Variants in FYN observed in about 807,000 individuals in gnomAD.
FYN encodes FYN proto-oncogene, Src family tyrosine kinase, also known as tyrosine-protein kinase Fyn.
Under a neutral mutation model 70.2 loss-of-function variants are expected in FYN, and 10 were observed. The ratio of observed to expected loss-of-function variants is 0.14; its 90% CI spans 0.09 to 0.24. FYN has a LOEUF of 0.24. Among genes scored for constraint, FYN ranks in the 10% least tolerant of loss-of-function variants. The pLI, the probability that FYN is intolerant of heterozygous loss-of-function variation, is 1.00. For synonymous variants in FYN, 236 were observed against 248.6 expected, an observed-to-expected ratio of 0.95 and a Z score of 0.48; for missense variants, 319 against 673.1, an observed-to-expected ratio of 0.47 and a Z score of 5.82.
intron 12 of FYN, among the ~76,000 whole-genome samples, chr6:111,686,876 G>A (rs533070433): frequency 1.1e-3 from 170 of 151,986 alleles, no homozygotes; most frequent in Non-Finnish European, 2.0e-3. Context: ...GAAAGCTGGC[G>A]CTCTGAGTCT....
chr6:111,826,842 C>G (rs1772849593), intron 2 of FYN, among the ~76,000 whole-genome samples: 1 of 152,126 alleles, frequency 6.6e-6, no homozygotes. Flanking sequence ...TACCAGGGAC[C>G]CAATAAACAT....
At chr6:111,851,936 TA>T (rs1773697464) in intron 1 of FYN, among the ~76,000 whole-genome samples, 2 of 152,164 alleles carry the variant, frequency 1.3e-5, no homozygotes, top group Admixed American at 1.3e-4. Context: ...AGCTTTTATG[TA>T]ATACTGTCCT....
At chr6:111,756,383 CACT>C (rs1802735392) in intron 3 of FYN, among the ~76,000 whole-genome samples, 1 of 150,518 alleles carries the variant, frequency 6.6e-6, no homozygotes, top group African/African-American at 2.4e-5. Context: ...AACCAATAAA[CACT>C]AGGTTCAGAT....
intron 1 of FYN, among the ~76,000 whole-genome samples, chr6:111,854,124 A>G (rs1278657849): frequency 6.6e-6 from 1 of 152,212 alleles, no homozygotes; most frequent in African/African-American, 2.4e-5. Flanking sequence ...TACTGGTTAT[A>G]TTAAAATACA....
At chr6:111,784,410 A>C (rs919043075) in intron 2 of FYN, among the ~76,000 whole-genome samples, 1 of 152,252 alleles carries the variant, frequency 6.6e-6, no homozygotes, top group Non-Finnish European at 1.5e-5. Flanking sequence ...CAGTAGGTCC[A>C]GAGATCAAAG....
chr6:111,754,883 C>T (rs1307227619), intron 3 of FYN, among the ~76,000 whole-genome samples: 6 of 151,282 alleles, frequency 4.0e-5, no homozygotes, highest in South Asian at 2.1e-4. Flanking sequence ...AACAGTAATA[C>T]GATGTTAAAA....
chr6:111,671,720 C>T (rs1206756362), intron 13 of FYN, among the ~76,000 whole-genome samples: 1 of 152,200 alleles, frequency 6.6e-6, no homozygotes, highest in Admixed American at 6.5e-5. Context: ...CACTGACTGA[C>T]TTGCCACACC....
chr6:111,732,862 C>T (rs371995704), intron 3 of FYN, among the ~76,000 whole-genome samples: 138 of 152,230 alleles, frequency 9.1e-4, no homozygotes, highest in African/African-American at 3.2e-3. Context: ...ACCTGGGCCC[C>T]GGACAGCTTC....
At chr6:111,696,571 G>GT (rs1277191541) in intron 9 of FYN, 115 bp from the exon 10 acceptor site, 22 of 787,604 alleles carry the variant, frequency 2.8e-5, no homozygotes, top group Non-Finnish European at 3.7e-5. Flanking sequence ...ACTTAATACA[G>GT]TTTTTGTTGA....
intron 7 of FYN, 68 bp downstream of exon 7, chr6:111,703,931 C>G (rs1170857417): frequency 8.4e-7 from 1 of 1,196,584 alleles, no homozygotes; most frequent in African/African-American, 1.5e-5. Flanking sequence ...TAGAGATAAG[C>G]CTTTCATCCC....
At chr6:111,791,462 C>T (rs953002499) in intron 2 of FYN, among the ~76,000 whole-genome samples, 3 of 152,116 alleles carry the variant, frequency 2.0e-5, no homozygotes, top group Non-Finnish European at 2.9e-5. Context: ...AGGGTTGTTG[C>T]AGATATGATT....
intron 2 of FYN, among the ~76,000 whole-genome samples, chr6:111,804,498 G>A (rs1055152025): frequency 6.6e-6 from 1 of 152,188 alleles, no homozygotes. Context: ...AATCCAGAAG[G>A]AGGTAAAACT....
intron 3 of FYN, among the ~76,000 whole-genome samples, chr6:111,777,974 C>A (rs1771016856): frequency 1.3e-5 from 2 of 152,200 alleles, no homozygotes; most frequent in South Asian, 4.1e-4. Context: ...GAAGACTGCA[C>A]TAAATAAATC....
chr6:111,789,788 C>A (rs1424120106), intron 2 of FYN, among the ~76,000 whole-genome samples: 1 of 152,236 alleles, frequency 6.6e-6, no homozygotes, highest in Non-Finnish European at 1.5e-5. Context: ...CTGCAATCCA[C>A]AGTCTGAACA....
chr6:111,860,084 G>A (rs1270903681), intron 1 of FYN, among the ~76,000 whole-genome samples: 1 of 152,036 alleles, frequency 6.6e-6, no homozygotes, highest in Non-Finnish European at 1.5e-5. Context: ...CTCCTTCAGG[G>A]ACTCCATAAG....
chr6:111,856,741 C>G lies in FYN; in HGVS notation c.-122-10112G>C, dbSNP rs867190735. ...CCATCTCTAACTCTCTTGGCTCCCC[C>G]CCGACACACAAGGTAAAAATATGAG... On this transcript the variant is annotated intron_variant, in intron 1 of 13. Coordinates refer to ENST00000354650, the MANE Select transcript of FYN (RefSeq NM_002037.5). Among the ~76,000 whole-genome samples the G allele has an allele frequency of 1.4e-4, 22 of 151,996 alleles. 1 individual carries two copies. Among genetic ancestry groups the G allele is most frequent in the Admixed American group, 3.3e-4 (5 of 15,282 alleles).
Position 111,754,859 on chromosome 6 carries a change from A to G in FYN, c.-12+25707T>C, listed in dbSNP as rs150571241. On this transcript the variant is annotated intron_variant, in intron 3 of 13. Transcript: ENST00000354650. Reference sequence around the variant, plus strand: ...GTCTCTCAAAGCATGACCACACAGAATTTAGAACTTGTTAACAGTAATACG... The same window carrying G: ...GTCTCTCAAAGCATGACCACACAGAGTTTAGAACTTGTTAACAGTAATACG... Among the ~76,000 whole-genome samples, 71 of 152,312 alleles carry G rather than the reference A, an allele frequency of 4.7e-4. No individual in the cohort carries two copies. The East Asian group carries it at 0.013, about 28-fold the overall frequency.
At chr6:111,839,589 T>C (rs1355061154) in intron 2 of FYN, among the ~76,000 whole-genome samples, 1 of 152,130 alleles carries the variant, frequency 6.6e-6, no homozygotes, top group Non-Finnish European at 1.5e-5. Flanking sequence ...AAGTACCGTG[T>C]TCATGTCCAA....
At chr6:111,785,548 G>GGGAA (rs1771334664) in intron 2 of FYN, among the ~76,000 whole-genome samples, 1 of 152,164 alleles carries the variant, frequency 6.6e-6, no homozygotes, top group South Asian at 2.1e-4. Flanking sequence ...TGTCTCAGCT[G>GGGAA]GGAAGGATTT....
Sources: allele counts gnomAD v4.1 joint callset (sites outside exome capture counted in the v4.1 genomes callset), GRCh38; gene constraint gnomAD v4.1.1; transcripts MANE v1.5; gene names NCBI Gene and HGNC (gene_info 2026-07-23, HGNC 2026-07-21).